Variants in DMD observed in about 807,000 individuals in gnomAD.
DMD encodes mutant dystrophin.
DMD carries 63 observed loss-of-function variants against 330.1 expected under a neutral mutation model. The observed-to-expected ratio is 0.19, with a 90% CI of 0.16 to 0.24. The LOEUF is 0.24. Among genes scored for constraint, DMD ranks in the 10% least tolerant of loss-of-function variants. The probability of loss-of-function intolerance (pLI) is 1.00; values close to 1 mark genes in which losing one functional copy is unlikely to be tolerated. For synonymous variants in DMD, 1,223 were observed against 959.8 expected (o/e 1.27, Z -5.07); for missense variants, 3,344 against 2,684.1 (o/e 1.25, Z -5.43).
At chrX:31,167,641 TAA>T (rs2039557722) in intron 74 of DMD, among the ~76,000 whole-genome samples, 1 of 112,182 alleles carries the variant, frequency 8.9e-6, no homozygotes, top group Non-Finnish European at 1.9e-5. Context: ...TTATTCTCAA[TAA>T]AGTAGAAATG....
intron 34 of DMD, among the ~76,000 whole-genome samples, chrX:32,380,223 T>C (rs866623869): frequency 9.0e-6 from 1 of 111,181 alleles, no homozygotes; most frequent in Admixed American, 9.6e-5. Flanking sequence ...CAGTACATTA[T>C]AGGATCTCAT....
At position 32,385,692 on chromosome X, in the gene DMD, T is replaced by C. The variant is rs772081743; in HGVS notation, c.4674+618A>G. On this transcript the variant is annotated intron_variant, in intron 33 of 78. Transcript: ENST00000357033. ...TAGGCATCTTGAATTAGCAGTGAAG[T>C]GGAGCTGGTCATGAGACTCTGATCA... 4.2e-4 allele frequency among the ~76,000 whole-genome samples: 46 copies of C among 110,495 alleles called. 1 individual carries two copies. Among genetic ancestry groups the C allele is most frequent in the Admixed American group, 1.1e-3 (11 of 10,318 alleles).
At position 32,464,574 on chromosome X, in the gene DMD, T is replaced by C. The variant is rs2098394906; in HGVS notation, c.3276+12A>G. On this transcript the variant is annotated intron_variant, in intron 24 of 78. Transcript: ENST00000357033. ...AATTATTCATATTAAAGGCATCATA[T>C]AAAAATCTTACTCTGCACTGTTTCA... 1 of 1,140,846 alleles carries C rather than the reference T, an allele frequency of 8.8e-7. No individual in the cohort carries two copies. Among genetic ancestry groups the C allele is most frequent in the Non-Finnish European group, 1.2e-6 (1 of 830,918 alleles). 94.0% of individuals were successfully genotyped at this position (1,140,846 alleles called of 1,213,427 possible).
At chrX:32,297,235 T>TTTTA (rs199584874) in intron 42 of DMD, among the ~76,000 whole-genome samples, 25,160 of 96,964 alleles carry the variant, frequency 0.26, 2,850 homozygotes, top group East Asian at 0.52. Context: ...GACAGTCATA[T>TTTTA]TTTATTTATT....
At chrX:32,795,011 A>G (rs1276339051) in intron 7 of DMD, among the ~76,000 whole-genome samples, 1 of 112,390 alleles carries the variant, frequency 8.9e-6, no homozygotes, top group Non-Finnish European at 1.9e-5. Flanking sequence ...TGAAGAGTAC[A>G]CCAACAAATG....
chrX:31,995,854 AATCTCAAG>A (rs2095581930), intron 44 of DMD, among the ~76,000 whole-genome samples: 1 of 112,253 alleles, frequency 8.9e-6, no homozygotes, highest in Admixed American at 9.4e-5. Flanking sequence ...ATTCATGGTG[AATCTCAAG>A]ACCTCGTTTA....
At chrX:32,146,776 C>T (rs780816591) in intron 44 of DMD, among the ~76,000 whole-genome samples, 14 of 111,879 alleles carry the variant, frequency 1.3e-4, no homozygotes, top group Middle Eastern at 4.6e-3. Flanking sequence ...TTTTACATAC[C>T]GTAAGTCATA....
intron 59 of DMD, among the ~76,000 whole-genome samples, chrX:31,473,587 G>A (rs185810336): frequency 0.013 from 1,380 of 105,326 alleles, 22 homozygotes; most frequent in East Asian, 0.04. Flanking sequence ...GGGCGTGGTG[G>A]TGCGCGCCTG....
At chrX:32,777,971 G>A (rs1011197471) in intron 7 of DMD, among the ~76,000 whole-genome samples, 7 of 111,999 alleles carry the variant, frequency 6.3e-5, no homozygotes, top group African/African-American at 2.3e-4. Context: ...AACCATACAA[G>A]AAGCAATCCC....
At chrX:32,565,591 G>T in intron 16 of DMD, 111 bp downstream of exon 16, 2 of 786,993 alleles carry the variant, frequency 2.5e-6, no homozygotes, top group Non-Finnish European at 1.9e-6. Context: ...ACTAAACACA[G>T]GGCAAAAACT....
intron 7 of DMD, among the ~76,000 whole-genome samples, chrX:32,764,505 C>T (rs2072726695): frequency 9.0e-6 from 1 of 111,160 alleles, no homozygotes; most frequent in African/African-American, 3.3e-5. Flanking sequence ...TTTATCTATG[C>T]ATTTTACTGC....
At chrX:32,541,231 T>A (rs754624418) in intron 17 of DMD, among the ~76,000 whole-genome samples, 2 of 111,294 alleles carry the variant, frequency 1.8e-5, no homozygotes, top group Non-Finnish European at 3.8e-5. Context: ...AATTTTTCCC[T>A]GTCGATAATA....
chrX:33,281,994 G>A (rs1020916099), intron 1 of DMD, among the ~76,000 whole-genome samples: 1 of 109,604 alleles, frequency 9.1e-6, no homozygotes, highest in Non-Finnish European at 1.9e-5. Flanking sequence ...CCCTATACTG[G>A]TACCCTCCAG....
chrX:33,056,383 G>T (rs193205542), intron 1 of DMD, among the ~76,000 whole-genome samples: 2 of 105,649 alleles, frequency 1.9e-5, no homozygotes, highest in African/African-American at 7.0e-5. Flanking sequence ...TTTTCGAGAC[G>T]GAGTTTTGCT....
intron 77 of DMD, among the ~76,000 whole-genome samples, chrX:31,133,213 C>T (rs905922916): frequency 8.0e-5 from 9 of 112,087 alleles, no homozygotes; most frequent in African/African-American, 2.9e-4. Context: ...ATTAGAGGTG[C>T]CAATCACTGG....
At chrX:32,996,132 G>T (rs1049302848) in intron 2 of DMD, among the ~76,000 whole-genome samples, 2 of 111,625 alleles carry the variant, frequency 1.8e-5, no homozygotes, top group African/African-American at 6.5e-5. Flanking sequence ...AACCTTGTTC[G>T]ATGTACCCAC....
At chrX:33,131,404 G>C (rs2148540219) in intron 1 of DMD, among the ~76,000 whole-genome samples, 1 of 111,976 alleles carries the variant, frequency 8.9e-6, no homozygotes, top group East Asian at 2.8e-4. Context: ...TTGAGAATCT[G>C]TACCCATTGA....
chrX:31,553,387 G>T (rs189823459), intron 55 of DMD, among the ~76,000 whole-genome samples: 1 of 111,837 alleles, frequency 8.9e-6, no homozygotes, highest in Admixed American at 9.4e-5. Context: ...GGTAGGGCCC[G>T]TTAAAGATGG....
chrX:32,847,135 T>C (rs2080760478), intron 3 of DMD, among the ~76,000 whole-genome samples: 1 of 112,406 alleles, frequency 8.9e-6, no homozygotes, highest in South Asian at 3.7e-4. Flanking sequence ...CTCAAATCAG[T>C]TCTCTGCCTA....
Sources: gnomAD v4.1 joint callset for allele counts (sites outside exome capture counted in the v4.1 genomes callset) on GRCh38, gnomAD v4.1.1 for gene constraint, MANE v1.5 for transcripts, NCBI Gene and HGNC (gene_info 2026-07-23, HGNC 2026-07-21) for gene names.